The following GPR158 variants were observed in gnomAD, a reference collection of about 807,000 sequenced individuals.
GPR158 encodes G protein-coupled receptor 158.
In GPR158, 30 loss-of-function variants were observed where a neutral mutation model predicts 78.2. The ratio of observed to expected loss-of-function variants is 0.38; its 90% CI spans 0.29 to 0.52. The LOEUF (loss-of-function observed/expected upper bound fraction) is 0.52, where lower values mean the gene tolerates loss of function less well. Among genes scored for constraint, GPR158 ranks in the 20% least tolerant of loss-of-function variants. The pLI is 0.83. For synonymous variants in GPR158, 581 were observed against 591.1 expected, an observed-to-expected ratio of 0.98 and a Z score of 0.25; for missense variants, 1,463 against 1,523.5, an observed-to-expected ratio of 0.96 and a Z score of 0.66.
intron 2 of GPR158, among the ~76,000 whole-genome samples, chr10:25,273,340 G>T (rs533391055): frequency 2.7e-5 from 4 of 150,904 alleles, no homozygotes; most frequent in Non-Finnish European, 4.4e-5. Flanking sequence ...TTTAACAAAT[G>T]GTCTATAGTT....
At chr10:25,261,572 A>T (rs1211804852) in intron 2 of GPR158, among the ~76,000 whole-genome samples, 1 of 152,198 alleles carries the variant, frequency 6.6e-6, no homozygotes, top group Non-Finnish European at 1.5e-5. Context: ...CTAGTTTCAT[A>T]GTCTCAGCAA....
intron 5 of GPR158, 23 bp downstream of exon 5, chr10:25,466,742 T>TA: frequency 7.1e-7 from 1 of 1,414,532 alleles, no homozygotes; most frequent in South Asian, 1.2e-5. Context: ...ATTTTGTTTT[T>TA]AAAGTAGAAA....
At chr10:25,435,030 T>C (rs939740309) in intron 4 of GPR158, among the ~76,000 whole-genome samples, 1 of 152,238 alleles carries the variant, frequency 6.6e-6, no homozygotes, top group African/African-American at 2.4e-5. Context: ...ATTTGCACTT[T>C]ATCCTGTGGG....
At chr10:25,529,322 G>T (rs1302335416) in intron 5 of GPR158, among the ~76,000 whole-genome samples, 2 of 152,080 alleles carry the variant, frequency 1.3e-5, no homozygotes, top group Non-Finnish European at 2.9e-5. Context: ...GGGAGGCGGA[G>T]GTAGCAGTAA....
At chr10:25,250,414 A>G (rs1168362855) in intron 2 of GPR158, among the ~76,000 whole-genome samples, 2 of 145,156 alleles carry the variant, frequency 1.4e-5, no homozygotes, top group African/African-American at 2.6e-5. Context: ...TCGGGTGTCA[A>G]TTTTGGATCT....
At chr10:25,526,003 G>T (rs915330692) in intron 5 of GPR158, among the ~76,000 whole-genome samples, 1 of 151,070 alleles carries the variant, frequency 6.6e-6, no homozygotes, top group African/African-American at 2.4e-5. Context: ...CTACTTGGGA[G>T]GCTGAGGCAG....
At position 25,441,106 on chromosome 10, in the gene GPR158, A is replaced by G. The variant is rs568766601; in HGVS notation, c.1336-25545A>G. Among the ~76,000 whole-genome samples, 5 of 152,326 alleles carry G rather than the reference A, an allele frequency of 3.3e-5. 1 individual carries two copies. The highest frequency in any genetic ancestry group is 1.2e-4 in the African/African-American group (5 of 41,578). On this transcript the variant is annotated intron_variant, in intron 4 of 10. Transcript: ENST00000376351. ...AGTAGAAATTTCATACATAATTACT[A>G]TGGGGGTTATGAGCATCCATATTTA... is the stretch of plus-strand genomic sequence containing the variant.
At chr10:25,203,195 C>T (rs914696822) in intron 1 of GPR158, among the ~76,000 whole-genome samples, 3 of 152,138 alleles carry the variant, frequency 2.0e-5, no homozygotes, top group Non-Finnish European at 2.9e-5. Flanking sequence ...TACTCCCATT[C>T]TGTAGGTTGC....
intron 2 of GPR158, among the ~76,000 whole-genome samples, chr10:25,300,309 G>A (rs1483264191): frequency 3.3e-5 from 5 of 152,164 alleles, no homozygotes; most frequent in Non-Finnish European, 7.3e-5. Context: ...TTCAAAGGCA[G>A]AAATTTGCAT....
intron 3 of GPR158, among the ~76,000 whole-genome samples, chr10:25,402,140 G>A (rs1390268391): frequency 6.6e-6 from 1 of 152,062 alleles, no homozygotes; most frequent in Non-Finnish European, 1.5e-5. Context: ...TTACACTGAG[G>A]ACACAGCATT....
intron 5 of GPR158, among the ~76,000 whole-genome samples, chr10:25,533,678 AC>A (rs763806188): frequency 1.3e-5 from 2 of 152,084 alleles, no homozygotes; most frequent in Non-Finnish European, 2.9e-5. Context: ...TGCCTTGTTC[AC>A]TTCATTGAAC....
At chr10:25,273,831 C>T (rs1157249613) in intron 2 of GPR158, among the ~76,000 whole-genome samples, 2 of 151,872 alleles carry the variant, frequency 1.3e-5, no homozygotes, top group Non-Finnish European at 2.9e-5. Flanking sequence ...AGATGCGCGC[C>T]ACCACACCCG....
At chr10:25,537,180 T>A (rs1255118302) in intron 5 of GPR158, among the ~76,000 whole-genome samples, 1 of 152,246 alleles carries the variant, frequency 6.6e-6, no homozygotes, top group Non-Finnish European at 1.5e-5. Context: ...CCTCCCTTAC[T>A]GTATAGTCTT....
At chr10:25,291,488 A>T (rs1854435210) in intron 2 of GPR158, among the ~76,000 whole-genome samples, 2 of 152,152 alleles carry the variant, frequency 1.3e-5, no homozygotes, top group South Asian at 4.1e-4. Context: ...CATCACTCTA[A>T]TGTCAAATAT....
intron 1 of GPR158, among the ~76,000 whole-genome samples, chr10:25,186,409 C>G (rs748585875): frequency 5.9e-5 from 9 of 152,068 alleles, no homozygotes; most frequent in South Asian, 2.1e-4. Context: ...ACAAAAAACC[C>G]TTCAAAAAAT....
intron 2 of GPR158, among the ~76,000 whole-genome samples, chr10:25,338,512 A>G (rs1220574429): frequency 7.5e-6 from 1 of 133,664 alleles, no homozygotes; most frequent in Non-Finnish European, 1.6e-5. Context: ...TATATTACGT[A>G]TAATATACGT....
At chr10:25,470,397 C>T (rs1399721273) in intron 5 of GPR158, among the ~76,000 whole-genome samples, 2 of 151,970 alleles carry the variant, frequency 1.3e-5, no homozygotes, top group Non-Finnish European at 2.9e-5. Flanking sequence ...GTTCTTCTCC[C>T]TTCCACCCAG....
At chr10:25,249,315 C>T (rs1853754479) in intron 2 of GPR158, among the ~76,000 whole-genome samples, 1 of 152,290 alleles carries the variant, frequency 6.6e-6, no homozygotes, top group Non-Finnish European at 1.5e-5. Flanking sequence ...CCTTCTCCTG[C>T]CTAATCGCCC....
chr10:25,556,145 G>A lies in GPR158; in HGVS notation c.1514+5060G>A, dbSNP rs1042984503. ...GCAGTTATTCGACTTGGTTGATTGC[G>A]TGTAGACTCATCTGCCTCAACAGAC... On this transcript the variant is annotated intron_variant, in intron 6 of 10. Coordinates refer to ENST00000376351, the MANE Select transcript of GPR158 (RefSeq NM_020752.3). 3.9e-5 allele frequency among the ~76,000 whole-genome samples: 6 copies of A among 152,232 alleles called. 1 individual carries two copies. Among genetic ancestry groups the A allele is most frequent in the East Asian group, 3.9e-4 (2 of 5,176 alleles).
Sources: gnomAD v4.1 joint callset for allele counts (sites outside exome capture counted in the v4.1 genomes callset) on GRCh38, gnomAD v4.1.1 for gene constraint, MANE v1.5 for transcripts, NCBI Gene and HGNC (gene_info 2026-07-23, HGNC 2026-07-21) for gene names.